DNAH6: variants seen among roughly 807,000 people sequenced by gnomAD.
DNAH6 encodes the protein axonemal beta dynein heavy chain 6.
In DNAH6, 340 loss-of-function variants were observed where a neutral mutation model predicts 491.4. That is an observed-to-expected ratio of 0.69 (90% CI 0.63 to 0.76). The LOEUF (loss-of-function observed/expected upper bound fraction) is 0.76. Among genes scored for constraint, DNAH6 ranks in the 30% least tolerant of loss-of-function variants. DNAH6 has a pLI of 0.00. For synonymous variants in DNAH6, 1,603 were observed against 1,686.1 expected, an observed-to-expected ratio of 0.95 and a Z score of 1.21; for missense variants, 4,443 against 4,972.2, an observed-to-expected ratio of 0.89 and a Z score of 3.20.
chr2:84,593,342 T>C (rs1486631900), intron 16 of DNAH6, among the ~76,000 whole-genome samples: 1 of 152,208 alleles, frequency 6.6e-6, no homozygotes, highest in Non-Finnish European at 1.5e-5. Context: ...ACTAAATTCC[T>C]AATGTCAAAG....
chr2:84,552,317 A>G (rs1235162652), intron 9 of DNAH6, among the ~76,000 whole-genome samples: 2 of 152,142 alleles, frequency 1.3e-5, no homozygotes, highest in Non-Finnish European at 2.9e-5. Context: ...TTTTCACCCT[A>G]TGGGAACAAT....
At position 84,718,385 on chromosome 2, in the gene DNAH6, G is replaced by A; in HGVS notation, c.9792+1G>A. On this transcript the variant is annotated splice_donor_variant, in intron 59 of 76. Coordinates refer to ENST00000389394, the MANE Select transcript of DNAH6 (RefSeq NM_001370.2). LOFTEE classifies it high-confidence loss of function. Reference sequence around the variant, plus strand: ...TATTGACACACTCCAGGATTCAAAGGCAAGTAAAATATTTTTAGTACTTAT... The same window carrying A: ...TATTGACACACTCCAGGATTCAAAGACAAGTAAAATATTTTTAGTACTTAT... 6.6e-7 allele frequency: 1 copy of A among 1,520,734 alleles called. No individual in the cohort carries two copies. Among genetic ancestry groups the A allele is most frequent in the Non-Finnish European group, 8.8e-7 (1 of 1,136,050 alleles). The allele number at this position is 1,520,734 out of a possible 1,614,324, so 94.2% of individuals were successfully genotyped here.
At chr2:84,805,517 T>TGG in intron 70 of DNAH6, 148 bp from the exon 71 acceptor site, 1 of 663,694 alleles carries the variant, frequency 1.5e-6, no homozygotes, top group East Asian at 3.3e-5. Flanking sequence ...GATCTCATGT[T>TGG]AATTGTTCTT....
At chr2:84,810,345 A>G (rs1280899230) in intron 72 of DNAH6, among the ~76,000 whole-genome samples, 1 of 152,214 alleles carries the variant, frequency 6.6e-6, no homozygotes, top group Non-Finnish European at 1.5e-5. Flanking sequence ...GTACAAGTGA[A>G]CAAATGTGAC....
chr2:84,659,801 G>A (rs2104595979), intron 37 of DNAH6, among the ~76,000 whole-genome samples: 1 of 152,186 alleles, frequency 6.6e-6, no homozygotes, highest in South Asian at 2.1e-4. Context: ...GTGCAATATA[G>A]CAAGACTCTG....
the DNAH6 span, among the ~76,000 whole-genome samples, chr2:84,491,289 T>C: frequency 2.0e-5 from 3 of 152,214 alleles, no homozygotes; most frequent in Admixed American, 2.0e-4. Flanking sequence ...ACCTGCTTAC[T>C]TTGGTTCGTA....
At chr2:84,507,462 T>G in the DNAH6 span, among the ~76,000 whole-genome samples, 1 of 152,228 alleles carries the variant, frequency 6.6e-6, no homozygotes, top group African/African-American at 2.4e-5. Context: ...TAAGGAGATT[T>G]TGGGCTGAGA....
In DNAH6 at chr2:84,704,016, A is replaced by T. The variant is rs1224781441; in HGVS notation, c.8230-51A>T. On this transcript the variant is annotated intron_variant, in intron 50 of 76. Coordinates refer to ENST00000389394, the MANE Select transcript of DNAH6 (RefSeq NM_001370.2). ...CACTATTATTGGCTTTGTTTTGAATATTAAAATTCAAATAATGAGGCCACT... is the reference window on the plus strand; with the variant it reads ...CACTATTATTGGCTTTGTTTTGAATTTTAAAATTCAAATAATGAGGCCACT... The T allele has an allele frequency of 1.0e-5, 14 of 1,378,638 alleles. 1 individual carries two copies. The highest frequency in any genetic ancestry group is 1.3e-5 in the Non-Finnish European group (13 of 1,001,760). The allele number at this position is 1,378,638 out of a possible 1,614,324, so 85.4% of individuals were successfully genotyped here.
At chr2:84,749,026 A>G (rs13394245) in intron 63 of DNAH6, among the ~76,000 whole-genome samples, 7,707 of 152,234 alleles carry the variant, frequency 0.051, 226 homozygotes, top group Middle Eastern at 0.075. Flanking sequence ...TCTTATATGA[A>G]CTAATAGAGT....
At chr2:84,671,127 G>C (rs1692700176) in intron 39 of DNAH6, among the ~76,000 whole-genome samples, 1 of 152,142 alleles carries the variant, frequency 6.6e-6, no homozygotes, top group African/African-American at 2.4e-5. Flanking sequence ...GGGAATGGGA[G>C]GAGAAGAAGG....
chr2:84,495,528 TTGAAA>T, the DNAH6 span, among the ~76,000 whole-genome samples: 3 of 152,202 alleles, frequency 2.0e-5, no homozygotes, highest in African/African-American at 7.2e-5. Flanking sequence ...CCTTTAAGTC[TTGAAA>T]TGTAATTATC....
rs779674797 is a variant in DNAH6 at position 84,762,778 on chromosome 2, T to C, written c.10536T>C (p.Phe3512=). 13 of 1,550,756 alleles carry C rather than the reference T, an allele frequency of 8.4e-6. No homozygotes were observed. The African/African-American group carries it at 1.8e-4, about 21-fold the overall frequency. ...AGGTGGTTTTTGCTCTTACAGACTT[T>C]GTGATAGAAAATCTTGGAAAACAGT... The part of the protein sequence containing the change: ...EEKVVFALTD[F]VIENLGKQFI... The change falls in exon 64 of 77, where the codon TTT becomes TTC. Residue 3512 remains phenylalanine (F), a synonymous_variant. Transcript: ENST00000389394.
At position 84,577,277 on chromosome 2, in the gene DNAH6, C is replaced by A; in HGVS notation, c.1945C>A (p.Gln649Lys). 6.3e-7 allele frequency: 1 copy of A among 1,583,966 alleles called. No individual in the cohort carries two copies. The highest frequency in any genetic ancestry group is 8.6e-7 in the Non-Finnish European group (1 of 1,168,556). The change falls in exon 13 of 77, where the codon CAA becomes AAA. Residue 649 changes from glutamine to lysine, a missense_variant. Physicochemically the swap from Gln to Lys is moderately conservative, Grantham distance 53 (BLOSUM62 1). Around this residue, in one of 3 missense-constraint regions of DNAH6, gnomAD observed 2,977 missense variants for 3,296.6 expected, o/e 0.90. Coordinates refer to ENST00000389394, the MANE Select transcript of DNAH6 (RefSeq NM_001370.2). ...TGTAGATATTAACTTTTTTAGTGAA[C>A]AACTGGAAAAATATCACAAACAGCA... is the stretch of plus-strand genomic sequence containing the variant. ...QEPDINFFSEQLEKYHKQHKD... is the reference protein window; with the variant it reads ...QEPDINFFSEKLEKYHKQHKD...
chr2:84,746,130 G>T (rs1371677711), intron 63 of DNAH6, among the ~76,000 whole-genome samples: 1 of 152,196 alleles, frequency 6.6e-6, no homozygotes, highest in Non-Finnish European at 1.5e-5. Context: ...TATCAGAGTG[G>T]TTAGCAGTCT....
chr2:84,703,633 C>T (rs961295863), intron 50 of DNAH6, 71 bp downstream of exon 50: 14 of 1,251,310 alleles, frequency 1.1e-5, no homozygotes, highest in Admixed American at 3.3e-5. Context: ...TAATGAGACA[C>T]GATTGGATTT....
In DNAH6 at chr2:84,738,605, T is replaced by G. The variant is rs1672226182; in HGVS notation, c.10342+5026T>G. On this transcript the variant is annotated intron_variant, in intron 62 of 76. Coordinates refer to ENST00000389394, the MANE Select transcript of DNAH6 (RefSeq NM_001370.2). ...CCTTATCATTATTTAATGCCCTTCTTTGTCCTTTTTTATTTTTGTTGGTTT... is the reference window on the plus strand; with the variant it reads ...CCTTATCATTATTTAATGCCCTTCTGTGTCCTTTTTTATTTTTGTTGGTTT... 2.6e-5 allele frequency among the ~76,000 whole-genome samples: 4 copies of G among 152,136 alleles called. 1 individual carries two copies. Among genetic ancestry groups the G allele is most frequent in the Admixed American group, 2.0e-4 (3 of 15,282 alleles).
At chr2:84,532,049 T>G (rs1351136957) in intron 4 of DNAH6, among the ~76,000 whole-genome samples, 1 of 152,170 alleles carries the variant, frequency 6.6e-6, no homozygotes, top group African/African-American at 2.4e-5. Context: ...AACCCAGATA[T>G]CAAAGAGTAC....
chr2:84,681,369 G>T lies in DNAH6; in HGVS notation c.6757G>T (p.Gly2253Cys), dbSNP rs1573466377. ...LKQIFQAILN[G>C]FLSDFPPAVK... ...TTTCTGGTTCTAGGCCATCTTAAAT[G>T]GTTTCCTGAGTGACTTTCCACCAGC... Residue 2253 changes from glycine to cysteine, a missense_variant, in exon 42 of 77, where the codon GGT (glycine) becomes TGT (cysteine). Physicochemically the swap from Gly to Cys is radical, Grantham distance 159 (BLOSUM62 -3). This residue lies in a region of DNAH6 where 2,977 missense variants were observed against 3,296.6 expected (regional missense o/e 0.90). Transcript: ENST00000389394. 1 of 1,542,494 alleles carries T rather than the reference G, an allele frequency of 6.5e-7. No individual in the cohort carries two copies. Among genetic ancestry groups the T allele is most frequent in the Non-Finnish European group, 8.7e-7 (1 of 1,142,942 alleles).
At chr2:84,474,670 G>A in the DNAH6 span, among the ~76,000 whole-genome samples, 1 of 152,128 alleles carries the variant, frequency 6.6e-6, no homozygotes, top group Non-Finnish European at 1.5e-5. Flanking sequence ...GAAATGATAG[G>A]CTGAATTGTG....
Sources: allele counts gnomAD v4.1 joint callset (sites outside exome capture counted in the v4.1 genomes callset), GRCh38; gene constraint gnomAD v4.1.1; regional missense constraint gnomAD v4.1.1; transcripts MANE v1.5; gene names NCBI Gene and HGNC (gene_info 2026-07-23, HGNC 2026-07-21).